Variants in NXPE2 observed in about 807,000 individuals in gnomAD.
NXPE2 encodes neurexophilin and PC-esterase domain family member 2.
NXPE2 carries 34 observed loss-of-function variants against 34.4 expected under a neutral mutation model. That is an observed-to-expected ratio of 0.99 (90% confidence interval 0.75 to 1.31). The LOEUF (loss-of-function observed/expected upper bound fraction) is 1.31. NXPE2 is among the 40% of genes most tolerant of loss of function. NXPE2 has a pLI of 0.00. For missense variants in NXPE2, 649 were observed against 672.5 expected, an observed-to-expected ratio of 0.97 and a Z score of 0.39; for synonymous variants, 235 against 231.3, an observed-to-expected ratio of 1.02 and a Z score of -0.15.
At chr11:114,775,205 CG>C in the NXPE2 span, among the ~76,000 whole-genome samples, 2 of 152,302 alleles carry the variant, frequency 1.3e-5, no homozygotes, top group African/African-American at 4.8e-5. Context: ...CCTCCAGGTC[CG>C]CCTTCAGGCA....
In NXPE2 at chr11:114,698,506, A is replaced by G. The variant is rs937542069; in HGVS notation, c.594A>G (p.Glu198=). Reference sequence around the variant, plus strand: ...CTCTGCTGCTCATCCACCCCAGTGAAGGGGTATCAGCTCTCTGGAGGGCAA... The same window carrying G: ...CTCTGCTGCTCATCCACCCCAGTGAGGGGGTATCAGCTCTCTGGAGGGCAA... ...SLSLLLIHPS[E]GVSALWRARN... The change falls in exon 3 of 6, where the codon GAA becomes GAG. Residue 198 remains glutamate, a synonymous_variant. Transcript: ENST00000389586. The G allele has an allele frequency of 9.9e-6, 16 of 1,613,960 alleles. No individual in the cohort carries two copies. In the African/African-American group the frequency reaches 2.0e-4, roughly 20 times the overall value.
At chr11:114,571,289 A>G in the NXPE2 span, 2 of 1,613,778 alleles carry the variant, frequency 1.2e-6, no homozygotes. Context: ...CAATGACAGT[A>G]TTTTTTTCTC....
the NXPE2 span, among the ~76,000 whole-genome samples, chr11:114,650,745 G>C: frequency 2.0e-5 from 3 of 152,292 alleles, no homozygotes; most frequent in Admixed American, 1.3e-4. Flanking sequence ...ATACAAGGCA[G>C]AGTGCGGTTG....
At chr11:114,745,725 C>T in the NXPE2 span, among the ~76,000 whole-genome samples, 6 of 151,250 alleles carry the variant, frequency 4.0e-5, no homozygotes, top group African/African-American at 1.2e-4. Flanking sequence ...AGCGAAAACT[C>T]AAAAATAAGG....
At chr11:114,551,006 G>A in the NXPE2 span, 46 of 653,576 alleles carry the variant, frequency 7.0e-5, no homozygotes, top group African/African-American at 7.6e-4. Context: ...TGAGGTGGGG[G>A]AGGAGGGGCA....
At chr11:114,696,675 A>T (rs1164618439) in intron 2 of NXPE2, among the ~76,000 whole-genome samples, 2 of 152,196 alleles carry the variant, frequency 1.3e-5, no homozygotes, top group East Asian at 3.8e-4. Context: ...GAAAAGGAAA[A>T]ATTCAGAATC....
At chr11:114,711,667 A>C (rs1222952960), downstream of NXPE2, among the ~76,000 whole-genome samples, 1 of 152,180 alleles carries the variant, frequency 6.6e-6, no homozygotes, top group East Asian at 1.9e-4. Flanking sequence ...ATCTTGTTTA[A>C]ATATCATACT....
the NXPE2 span, chr11:114,554,006 T>G: frequency 1.0e-6 from 1 of 985,422 alleles, no homozygotes; most frequent in Non-Finnish European, 1.2e-6. Context: ...AATTGCAATG[T>G]TTTTTCTTCT....
the NXPE2 span, among the ~76,000 whole-genome samples, chr11:114,567,520 C>T: frequency 4.0e-5 from 6 of 151,806 alleles, no homozygotes; most frequent in African/African-American, 9.7e-5. Flanking sequence ...TTTTGGACAC[C>T]GTCCCTCAGC....
At chr11:114,690,679 T>C (rs1053402981) in intron 2 of NXPE2, among the ~76,000 whole-genome samples, 2 of 152,206 alleles carry the variant, frequency 1.3e-5, no homozygotes, top group East Asian at 1.9e-4. Flanking sequence ...TATTCAAATA[T>C]ACTTTCCAAG....
chr11:114,522,381 A>G, the NXPE2 span: 1 of 1,614,148 alleles, frequency 6.2e-7, no homozygotes, highest in Non-Finnish European at 8.5e-7. Flanking sequence ...ATCAGAGAGT[A>G]GAGCTGGAAA....
the NXPE2 span, among the ~76,000 whole-genome samples, chr11:114,499,048 A>C: frequency 6.6e-6 from 1 of 152,128 alleles, no homozygotes; most frequent in Non-Finnish European, 1.5e-5. Flanking sequence ...TTAGGCAAAA[A>C]TTTCAACTTC....
chr11:114,631,531 G>A, the NXPE2 span, among the ~76,000 whole-genome samples: 1 of 118,228 alleles, frequency 8.5e-6, no homozygotes, highest in Non-Finnish European at 1.7e-5. Context: ...TGTGGGGTGG[G>A]GGGAGGGGGG....
the NXPE2 span, among the ~76,000 whole-genome samples, chr11:114,784,087 G>A: frequency 2.6e-5 from 4 of 152,208 alleles, no homozygotes; most frequent in African/African-American, 9.6e-5. Context: ...GTCAGAGGCA[G>A]GGCCAAGGTT....
chr11:114,692,502 C>A lies in NXPE2; in HGVS notation c.133-5543C>A, dbSNP rs757941384. Among the ~76,000 whole-genome samples, 141 of 152,294 alleles carry A rather than the reference C, an allele frequency of 9.3e-4. 1 individual carries two copies. The highest frequency in any genetic ancestry group is 1.9e-3 in the Non-Finnish European group (127 of 68,034). On this transcript the variant is annotated intron_variant, in intron 2 of 5. Coordinates refer to ENST00000389586, the MANE Select transcript of NXPE2 (RefSeq NM_182495.6). The stretch of plus-strand genomic sequence containing the variant: ...GTGGAATTCTGTGTGGGTTCCCTTT[C>A]TGGAGCAATGTTTCTGTGTGATCTT...
the NXPE2 span, among the ~76,000 whole-genome samples, chr11:114,490,861 T>G: frequency 6.6e-6 from 1 of 152,220 alleles, no homozygotes; most frequent in South Asian, 2.1e-4. Flanking sequence ...TGGGATCTAA[T>G]TAAACTAAAG....
At chr11:114,721,986 A>G in the NXPE2 span, among the ~76,000 whole-genome samples, 1 of 152,228 alleles carries the variant, frequency 6.6e-6, no homozygotes, top group Admixed American at 6.5e-5. Context: ...GTGAGTTGTG[A>G]TGTTTGACTT....
At chr11:114,808,159 C>T in the NXPE2 span, among the ~76,000 whole-genome samples, 1,007 of 152,268 alleles carry the variant, frequency 6.6e-3, 8 homozygotes, top group African/African-American at 0.023. Flanking sequence ...GACAAAGACA[C>T]AACATACCAG....
the NXPE2 span, among the ~76,000 whole-genome samples, chr11:114,605,527 C>T: frequency 1.2e-4 from 18 of 150,896 alleles, no homozygotes; most frequent in South Asian, 4.2e-4. Context: ...CACAGTTACC[C>T]GGTGGATAAT....
Sources: gnomAD v4.1 joint callset for allele counts (sites outside exome capture counted in the v4.1 genomes callset) on GRCh38, gnomAD v4.1.1 for gene constraint, MANE v1.5 for transcripts, NCBI Gene and HGNC (gene_info 2026-07-23, HGNC 2026-07-21) for gene names.